The following MACROD2 variants were observed in gnomAD, a reference collection of about 807,000 sequenced individuals.
The protein encoded by MACROD2 is mono-ADP ribosylhydrolase 2.
A neutral mutation model predicts 70.4 loss-of-function variants in MACROD2; 36 were observed. The observed-to-expected ratio is 0.51, with a 90% confidence interval of 0.39 to 0.68. The LOEUF is 0.68. Among genes scored for constraint, MACROD2 ranks in the 30% least tolerant of loss-of-function variants. MACROD2 has a pLI of 0.00. For synonymous variants in MACROD2, 172 were observed against 178.8 expected, an observed-to-expected ratio of 0.96 and a Z score of 0.30; for missense variants, 496 against 538.4, an observed-to-expected ratio of 0.92 and a Z score of 0.78.
chr20:14,678,757 G>A (rs2070893230), intron 4 of MACROD2, among the ~76,000 whole-genome samples: 1 of 152,108 alleles, frequency 6.6e-6, no homozygotes, highest in Admixed American at 6.6e-5. Context: ...AAGTCAAAAG[G>A]CAAGGTTTTC....
At chr20:14,053,447 G>A in intron 2 of MACROD2, 1 of 151,910 alleles carries the variant, frequency 6.6e-6, no homozygotes, top group East Asian at 1.9e-4. Context: ...GCTGTGGGCA[G>A]TTGTCATAAA....
At chr20:15,955,967 G>T (rs1366282592) in intron 12 of MACROD2, among the ~76,000 whole-genome samples, 2 of 151,502 alleles carry the variant, frequency 1.3e-5, no homozygotes, top group Non-Finnish European at 2.9e-5. Flanking sequence ...AATAAAAGTT[G>T]AAGGAAAAAA....
chr20:14,061,760 G>C (rs946594179), intron 2 of MACROD2, among the ~76,000 whole-genome samples: 1 of 152,104 alleles, frequency 6.6e-6, no homozygotes, highest in East Asian at 1.9e-4. Flanking sequence ...TGACAACATG[G>C]AGAAGCTCGT....
chr20:15,461,736 A>G (rs1216389913), intron 7 of MACROD2, among the ~76,000 whole-genome samples: 2 of 152,140 alleles, frequency 1.3e-5, no homozygotes, highest in Admixed American at 6.6e-5. Context: ...TCCTCAGAAA[A>G]TATCTATTGA....
chr20:14,340,188 G>T (rs1176835115), intron 3 of MACROD2, among the ~76,000 whole-genome samples: 1 of 152,196 alleles, frequency 6.6e-6, no homozygotes, highest in Non-Finnish European at 1.5e-5. Flanking sequence ...GGAGGAGGTG[G>T]ATTCTCATAT....
chr20:14,918,239 G>C (rs1191932114), intron 5 of MACROD2, among the ~76,000 whole-genome samples: 1 of 152,146 alleles, frequency 6.6e-6, no homozygotes, highest in Non-Finnish European at 1.5e-5. Flanking sequence ...GCCTCCCAAA[G>C]TGCTGGGATT....
chr20:14,801,568 C>G (rs1365908730), intron 5 of MACROD2, among the ~76,000 whole-genome samples: 3 of 152,012 alleles, frequency 2.0e-5, no homozygotes. Context: ...TATATATTGA[C>G]CTTCTGCTAA....
chr20:15,879,647 G>A (rs887466347), intron 9 of MACROD2, among the ~76,000 whole-genome samples: 6 of 152,118 alleles, frequency 3.9e-5, no homozygotes, highest in Non-Finnish European at 7.4e-5. Flanking sequence ...TTCAAAAAAA[G>A]TTTGAATGCT....
chr20:15,989,693 C>T (rs1435803082), intron 15 of MACROD2, among the ~76,000 whole-genome samples: 5 of 152,002 alleles, frequency 3.3e-5, no homozygotes, highest in African/African-American at 1.2e-4. Flanking sequence ...GAAAGTTGTA[C>T]ATATGTATTA....
chr20:15,175,032 G>T (rs2076449572), intron 5 of MACROD2, among the ~76,000 whole-genome samples: 1 of 151,732 alleles, frequency 6.6e-6, no homozygotes, highest in Non-Finnish European at 1.5e-5. Context: ...TGTCAATTTT[G>T]GCTTTTGTTG....
chr20:15,399,543 A>T (rs1350357589), intron 6 of MACROD2, among the ~76,000 whole-genome samples: 1 of 152,220 alleles, frequency 6.6e-6, no homozygotes, highest in Non-Finnish European at 1.5e-5. Context: ...TTTCTCTAGA[A>T]CATATATAAT....
intron 8 of MACROD2, among the ~76,000 whole-genome samples, chr20:15,695,677 G>A (rs1158862281): frequency 2.6e-5 from 4 of 152,108 alleles, no homozygotes; most frequent in African/African-American, 9.7e-5. Flanking sequence ...TCAAAGTGCT[G>A]GGATTACAGG....
chr20:15,020,984 G>A (rs998208050), intron 5 of MACROD2, among the ~76,000 whole-genome samples: 3 of 147,284 alleles, frequency 2.0e-5, no homozygotes, highest in Non-Finnish European at 4.5e-5. Flanking sequence ...ATATACACAT[G>A]TGTGTATATG....
chr20:14,832,764 C>T (rs1483977643), intron 5 of MACROD2, among the ~76,000 whole-genome samples: 1 of 152,160 alleles, frequency 6.6e-6, no homozygotes, highest in Non-Finnish European at 1.5e-5. Context: ...GAGTCAAGAT[C>T]TTGAGTGCAA....
At chr20:15,570,162 T>C (rs1253412353) in intron 8 of MACROD2, among the ~76,000 whole-genome samples, 7 of 152,208 alleles carry the variant, frequency 4.6e-5, no homozygotes, top group Non-Finnish European at 1.5e-5. Context: ...ACAGATGGTG[T>C]GCAAGGGTTT....
chr20:14,279,028 G>C (rs1056585092), intron 3 of MACROD2, among the ~76,000 whole-genome samples: 2 of 152,140 alleles, frequency 1.3e-5, no homozygotes, highest in Non-Finnish European at 2.9e-5. Context: ...AAGAGTCTGT[G>C]TTGGATATTG....
chr20:15,049,238 G>A (rs527805908), intron 5 of MACROD2, among the ~76,000 whole-genome samples: 31 of 151,804 alleles, frequency 2.0e-4, no homozygotes, highest in Non-Finnish European at 4.0e-4. Context: ...AATCAGAGAT[G>A]TGGGCTAAGG....
At chr20:15,416,005 C>T (rs1285111372) in intron 6 of MACROD2, among the ~76,000 whole-genome samples, 1 of 152,172 alleles carries the variant, frequency 6.6e-6, no homozygotes, top group Non-Finnish European at 1.5e-5. Context: ...AGTGAATGGC[C>T]AGCTGCTTGC....
At chr20:14,537,569 G>A (rs1337127113) in intron 4 of MACROD2, among the ~76,000 whole-genome samples, 1 of 152,136 alleles carries the variant, frequency 6.6e-6, no homozygotes, top group Non-Finnish European at 1.5e-5. Flanking sequence ...AGCTGTTGGT[G>A]TGTATAGGAA....
Sources: allele counts gnomAD v4.1 joint callset (sites outside exome capture counted in the v4.1 genomes callset), GRCh38; gene constraint gnomAD v4.1.1; transcripts MANE v1.5; gene names NCBI Gene and HGNC (gene_info 2026-07-23, HGNC 2026-07-21).